The following CSMD1 variants were observed in gnomAD, a reference collection of about 807,000 sequenced individuals.
The protein encoded by CSMD1 is CUB and sushi domain-containing protein 1.
Under a neutral mutation model 417.5 loss-of-function variants are expected in CSMD1, and 213 were observed. The ratio of observed to expected loss-of-function variants is 0.51; its 90% CI spans 0.46 to 0.57. The LOEUF is 0.57. Ranked by LOEUF, CSMD1 falls within the 20% of genes least tolerant of loss-of-function variation. The probability of loss-of-function intolerance (pLI) is 0.00; values close to 1 mark genes in which losing one functional copy is unlikely to be tolerated. For synonymous variants in CSMD1, 2,862 were observed against 1,736.8 expected (o/e 1.65, Z -16.11); for missense variants, 6,923 against 4,529.7 (o/e 1.53, Z -15.17).
chr8:3,378,759 A>C (rs1396992132), intron 18 of CSMD1, among the ~76,000 whole-genome samples: 1 of 152,142 alleles, frequency 6.6e-6, no homozygotes, highest in Non-Finnish European at 1.5e-5. Context: ...CAAAATAATA[A>C]GCTATTTATG....
intron 3 of CSMD1, among the ~76,000 whole-genome samples, chr8:4,185,744 C>T (rs1194459598): frequency 1.3e-5 from 2 of 152,148 alleles, no homozygotes; most frequent in African/African-American, 2.4e-5. Flanking sequence ...CTTTGAAGAG[C>T]TATCATTTTG....
chr8:4,004,373 A>G (rs1457799024), intron 4 of CSMD1, among the ~76,000 whole-genome samples: 1 of 151,666 alleles, frequency 6.6e-6, no homozygotes, highest in Non-Finnish European at 1.5e-5. Context: ...TTTAAAACAT[A>G]TTAGAGATGC....
intron 29 of CSMD1, among the ~76,000 whole-genome samples, chr8:3,217,535 T>G (rs1262875814): frequency 6.6e-6 from 1 of 152,004 alleles, no homozygotes; most frequent in Non-Finnish European, 1.5e-5. Flanking sequence ...ATGATTTTGT[T>G]GGGGGCGTGG....
At chr8:4,199,954 A>G (rs1249061959) in intron 3 of CSMD1, among the ~76,000 whole-genome samples, 2 of 152,218 alleles carry the variant, frequency 1.3e-5, no homozygotes, top group African/African-American at 4.8e-5. Context: ...CAATGTAGAA[A>G]AAAAGACCTG....
chr8:4,971,536 A>G (rs943328125), intron 1 of CSMD1, among the ~76,000 whole-genome samples: 3 of 151,994 alleles, frequency 2.0e-5, no homozygotes, highest in Non-Finnish European at 4.4e-5. Context: ...TATCTGACAT[A>G]ATTTCTTGAG....
At chr8:3,803,308 A>G (rs1800559319) in intron 5 of CSMD1, among the ~76,000 whole-genome samples, 1 of 152,200 alleles carries the variant, frequency 6.6e-6, no homozygotes, top group Non-Finnish European at 1.5e-5. Flanking sequence ...GCAGCTGGGT[A>G]GGGAGATACT....
intron 8 of CSMD1, among the ~76,000 whole-genome samples, chr8:3,610,224 T>C (rs989171830): frequency 5.3e-5 from 8 of 152,088 alleles, no homozygotes; most frequent in Non-Finnish European, 1.2e-4. Context: ...CCATGGAACA[T>C]AAATAGTAGA....
intron 3 of CSMD1, among the ~76,000 whole-genome samples, chr8:4,329,870 AC>A (rs1799771080): frequency 1.3e-5 from 2 of 151,574 alleles, no homozygotes; most frequent in East Asian, 2.0e-4. Flanking sequence ...ACACACACAC[AC>A]ACAGACACAC....
intron 3 of CSMD1, among the ~76,000 whole-genome samples, chr8:4,391,734 G>T (rs533579513): frequency 2.6e-5 from 4 of 152,120 alleles, no homozygotes; most frequent in African/African-American, 9.7e-5. Flanking sequence ...AGTGCAATGT[G>T]CCTGAAGCCT....
chr8:4,787,279 A>C, intron 1 of CSMD1: 2 of 629,224 alleles, frequency 3.2e-6, no homozygotes, highest in Non-Finnish European at 2.9e-6. Flanking sequence ...CCTCTTTTCT[A>C]GAGCTCTGCC....
intron 1 of CSMD1, among the ~76,000 whole-genome samples, chr8:4,890,082 G>A (rs908342616): frequency 1.4e-4 from 21 of 152,118 alleles, no homozygotes; most frequent in African/African-American, 4.6e-4. Context: ...CAGTTTATAC[G>A]TCAGAAACTA....
In CSMD1 at chr8:4,994,363, C is replaced by A; in HGVS notation, c.54G>T (p.Val18=). 3 of 1,611,856 alleles carry A rather than the reference C, an allele frequency of 1.9e-6. No individual in the cohort carries two copies. The highest frequency in any genetic ancestry group is 1.3e-5 in the African/African-American group (1 of 75,062). ...CTGCAGTGAGGAGCCTCGCGCACAG[C>A]ACCAGCAGCCCGAGAAGCAGGAGCA... The part of the protein sequence containing the change: ...QSLLLLLGLL[V]LCARLLTAAK... The change falls in exon 1 of 70, where the codon GTG becomes GTT. Residue 18 remains valine (V), a synonymous_variant. Coordinates refer to ENST00000635120, the MANE Select transcript of CSMD1 (RefSeq NM_033225.6).
chr8:4,264,158 G>A (rs945460902), intron 3 of CSMD1, among the ~76,000 whole-genome samples: 2 of 152,060 alleles, frequency 1.3e-5, no homozygotes, highest in African/African-American at 2.4e-5. Flanking sequence ...CTCAGCTCTT[G>A]GGCACTATGC....
intron 12 of CSMD1, among the ~76,000 whole-genome samples, chr8:3,437,694 G>A (rs1189380588): frequency 6.6e-6 from 1 of 151,896 alleles, no homozygotes; most frequent in Non-Finnish European, 1.5e-5. Context: ...CAGTCAAAAG[G>A]AAGACAGAAC....
At chr8:3,505,418 C>G (rs538922996) in intron 10 of CSMD1, among the ~76,000 whole-genome samples, 2 of 152,018 alleles carry the variant, frequency 1.3e-5, no homozygotes, top group South Asian at 4.2e-4. Flanking sequence ...ATTATGGGCG[C>G]AGAATCAATA....
intron 4 of CSMD1, among the ~76,000 whole-genome samples, chr8:4,017,595 C>G (rs117028650): frequency 2.6e-5 from 4 of 152,104 alleles, no homozygotes; most frequent in Non-Finnish European, 5.9e-5. Context: ...CGTGAGCCAC[C>G]GTGCCCAGCT....
intron 37 of CSMD1, among the ~76,000 whole-genome samples, chr8:3,179,166 C>A (rs532756446): frequency 8.1e-4 from 123 of 151,572 alleles, no homozygotes; most frequent in South Asian, 3.6e-3. Flanking sequence ...AGGACTGTCT[C>A]GATCTCCTGA....
At chr8:3,616,314 A>T (rs1416616911) in intron 8 of CSMD1, among the ~76,000 whole-genome samples, 2 of 152,042 alleles carry the variant, frequency 1.3e-5, no homozygotes, top group Non-Finnish European at 2.9e-5. Flanking sequence ...TGGTTTTTTA[A>T]GAGGATTTTC....
intron 49 of CSMD1, among the ~76,000 whole-genome samples, chr8:3,084,179 G>A (rs1814348712): frequency 6.6e-6 from 1 of 152,106 alleles, no homozygotes; most frequent in South Asian, 2.1e-4. Context: ...TCTGTCATAT[G>A]AGGCCAAAGT....
Sources: gnomAD v4.1 joint callset for allele counts (sites outside exome capture counted in the v4.1 genomes callset) on GRCh38, gnomAD v4.1.1 for gene constraint, MANE v1.5 for transcripts, NCBI Gene and HGNC (gene_info 2026-07-23, HGNC 2026-07-21) for gene names.